Variants in FAIM observed in about 807,000 individuals in gnomAD.
The protein encoded by FAIM is fas apoptotic inhibitory molecule 1.
Under a neutral mutation model 21.2 loss-of-function variants are expected in FAIM, and 14 were observed. The ratio of observed to expected loss-of-function variants is 0.66; its 90% CI spans 0.44 to 1.03. FAIM has a LOEUF of 1.03. Among genes scored for constraint, FAIM ranks in the 50% least tolerant of loss-of-function variants. The pLI, the probability that FAIM is intolerant of heterozygous loss-of-function variation, is 0.00. For missense variants in FAIM, 222 were observed against 247.1 expected (o/e 0.90, Z 0.68); for synonymous variants, 86 against 80.4 (o/e 1.07, Z -0.37).
intron 1 of FAIM, chr3:138,610,910 C>T: frequency 6.5e-7 from 1 of 1,537,280 alleles, no homozygotes; most frequent in Non-Finnish European, 9.0e-7. Context: ...TAAACCAAAG[C>T]CTTCTTCGGC....
chr3:138,625,467 A>G (rs1451182988), intron 4 of FAIM, among the ~76,000 whole-genome samples: 4 of 152,256 alleles, frequency 2.6e-5, no homozygotes, highest in Middle Eastern at 3.4e-3. Context: ...TGTCTCAAAA[A>G]AAAAAAAAAT....
At chr3:138,610,427 G>T (rs968068889) in intron 1 of FAIM, among the ~76,000 whole-genome samples, 1 of 152,042 alleles carries the variant, frequency 6.6e-6, no homozygotes, top group Non-Finnish European at 1.5e-5. Context: ...GTGGAATATG[G>T]TTTTTCATCT....
intron 4 of FAIM, among the ~76,000 whole-genome samples, chr3:138,624,448 C>T (rs528707723): frequency 6.6e-6 from 1 of 152,126 alleles, no homozygotes; most frequent in Non-Finnish European, 1.5e-5. Flanking sequence ...TGCTTTTACT[C>T]CTTGTCTGCC....
At position 138,609,398 on chromosome 3, in the gene FAIM, G is replaced by A. The variant is rs185048429; in HGVS notation, c.-17+461G>A. Among the ~76,000 whole-genome samples the A allele has an allele frequency of 3.0e-3, 457 of 152,220 alleles. 1 individual carries two copies. Among genetic ancestry groups the A allele is most frequent in the African/African-American group, 9.6e-3 (399 of 41,536 alleles). On this transcript the variant is annotated intron_variant, in intron 1 of 5. Transcript: ENST00000360570. ...AAAACGTGGAACAGAAAGCAAGGAA[G>A]CAAGCAAAGCAGCCGTGCCGCTGCT...
chr3:138,631,262 T>TTTAAG (rs2043002237), intron 5 of FAIM: 1 of 151,856 alleles, frequency 6.6e-6, no homozygotes. Flanking sequence ...AATTTTTTTT[T>TTTAAG]TTAAGTTAGC....
intron 3 of FAIM, among the ~76,000 whole-genome samples, 193 bp downstream of exon 3, chr3:138,621,732 AT>A (rs1159661475): frequency 2.0e-5 from 3 of 152,196 alleles, no homozygotes; most frequent in Non-Finnish European, 2.9e-5. Context: ...TAAACTTAAA[AT>A]GCTTTTATTT....
Position 138,616,120 on chromosome 3 carries a change from G to A in FAIM, c.-16-3591G>A, listed in dbSNP as rs184793413. Among the ~76,000 whole-genome samples the A allele has an allele frequency of 3.8e-4, 58 of 152,294 alleles. No homozygotes were observed. The Middle Eastern group carries it at 0.01, about 27-fold the overall frequency. ...GGCACTTGGAGGGATATGTGTTACT[G>A]ATTTCCCCGTAATGAAGGAGAGAGG... is the stretch of plus-strand genomic sequence containing the variant. On this transcript the variant is annotated intron_variant, in intron 1 of 5. Coordinates refer to ENST00000360570, the MANE Select transcript of FAIM (RefSeq NM_001033031.2).
chr3:138,620,665 T>C (rs554354690), intron 2 of FAIM, among the ~76,000 whole-genome samples: 1 of 152,196 alleles, frequency 6.6e-6, no homozygotes, highest in Non-Finnish European at 1.5e-5. Context: ...GTGACTAATA[T>C]GTTTGTAGAG....
chr3:138,608,807 C>G lies in FAIM; in HGVS notation c.-147C>G, dbSNP rs1345880250. 6.6e-6 allele frequency: 1 copy of G among 152,312 alleles called. No individual in the cohort carries two copies. Among genetic ancestry groups the G allele is most frequent in the Non-Finnish European group, 1.5e-5 (1 of 68,126 alleles). 9.4% of individuals were successfully genotyped at this position (152,312 alleles called of 1,614,324 possible). A position where few individuals can be genotyped will look rare whatever the true frequency, so the allele number is the denominator to read the frequency against. The stretch of plus-strand genomic sequence containing the variant: ...TTGGTACTCGCGCCTGCAGAGCTTT[C>G]AACCTCCGCGCCGGCTGCGCCTGTT... On this transcript the variant is annotated 5_prime_UTR_variant, in exon 1 of 6. Coordinates refer to ENST00000360570, the MANE Select transcript of FAIM (RefSeq NM_001033031.2).
At chr3:138,618,514 A>G (rs1456169018) in intron 1 of FAIM, among the ~76,000 whole-genome samples, 2 of 152,034 alleles carry the variant, frequency 1.3e-5, no homozygotes, top group African/African-American at 2.4e-5. Context: ...TAAAAATACA[A>G]AAAATTAGCC....
intron 4 of FAIM, among the ~76,000 whole-genome samples, chr3:138,623,896 A>G (rs1224358344): frequency 6.6e-6 from 1 of 152,188 alleles, no homozygotes; most frequent in Non-Finnish European, 1.5e-5. Context: ...TTTGATCCTC[A>G]TGCTAAGTTG....
At chr3:138,620,226 A>G (rs989935398) in intron 2 of FAIM, among the ~76,000 whole-genome samples, 5 of 152,210 alleles carry the variant, frequency 3.3e-5, no homozygotes, top group Admixed American at 6.5e-5. Context: ...TCTGTAAAAT[A>G]AGGATACTAA....
At chr3:138,629,259 T>C (rs2042976745) in intron 5 of FAIM, 103 bp downstream of exon 5, 3 of 968,936 alleles carry the variant, frequency 3.1e-6, no homozygotes, top group Admixed American at 2.5e-5. Context: ...ATCAAGGCCC[T>C]CTTGATAAAA....
chr3:138,613,209 G>C (rs1463876687), intron 1 of FAIM, among the ~76,000 whole-genome samples: 1 of 151,808 alleles, frequency 6.6e-6, no homozygotes, highest in Non-Finnish European at 1.5e-5. Flanking sequence ...TAGTAGAAAT[G>C]GGGTTTCACC....
chr3:138,609,039 C>T (rs373579126), intron 1 of FAIM, 102 bp downstream of exon 1: 47 of 152,946 alleles, frequency 3.1e-4, no homozygotes, highest in South Asian at 2.9e-3. Context: ...CTCAGCCCCC[C>T]GGCGTCCCCA....
At chr3:138,628,606 TC>T (rs2042966853) in intron 4 of FAIM, among the ~76,000 whole-genome samples, 1 of 152,036 alleles carries the variant, frequency 6.6e-6, no homozygotes, top group African/African-American at 2.4e-5. Context: ...TGCCTCAGCC[TC>T]CCAAGTAGCT....
Position 138,632,950 on chromosome 3 carries a change from G to C in FAIM, c.477G>C (p.Gly159=), listed in dbSNP as rs771171539. ...TCCAGGGTGAGTTTGTAGATGATGG[G>C]ACTGAAACTCACTTCAGTATCGGGA... ...LETAGEFVDD[G]TETHFSIGNH... is the part of the protein sequence containing the mutation. The change falls in exon 6 of 6, where the codon GGG becomes GGC. Residue 159 remains glycine (G), a synonymous_variant. Coordinates refer to ENST00000360570, the MANE Select transcript of FAIM (RefSeq NM_001033031.2). 170 of 1,613,062 alleles carry C rather than the reference G, an allele frequency of 1.1e-4. No homozygotes were observed. The highest frequency in any genetic ancestry group is 1.4e-4 in the Non-Finnish European group (163 of 1,179,662).
chr3:138,617,887 A>T (rs2042844675), intron 1 of FAIM, among the ~76,000 whole-genome samples: 1 of 146,798 alleles, frequency 6.8e-6, no homozygotes, highest in Admixed American at 6.9e-5. Flanking sequence ...ATTAGATCAT[A>T]TAGATATAGA....
At chr3:138,627,987 G>A (rs361074) in intron 4 of FAIM, among the ~76,000 whole-genome samples, 92,529 of 151,790 alleles carry the variant, frequency 0.61, 28,852 homozygotes, top group East Asian at 0.98. Flanking sequence ...CTTCTTCACT[G>A]TAATACCCAA....
Sources: gnomAD v4.1 joint callset for allele counts (sites outside exome capture counted in the v4.1 genomes callset) on GRCh38, gnomAD v4.1.1 for gene constraint, MANE v1.5 for transcripts, NCBI Gene and HGNC (gene_info 2026-07-23, HGNC 2026-07-21) for gene names.